The following TCHH variants were observed in gnomAD, a reference collection of about 807,000 sequenced individuals.
TCHH encodes the protein trichohyalin.
A neutral mutation model predicts 6.3 loss-of-function variants in TCHH; 6 were observed. That is an observed-to-expected ratio of 0.95 (90% CI 0.52 to 1.88). The LOEUF is 1.88. Ranked by LOEUF, TCHH falls within the 40% of genes most tolerant of loss-of-function variation. The probability of loss-of-function intolerance (pLI) is 0.01; values close to 1 mark genes in which losing one functional copy is unlikely to be tolerated. For missense variants in TCHH, 2,920 were observed against 2,449.1 expected (o/e 1.19, Z -4.06); for synonymous variants, 1,087 against 963.6 (o/e 1.13, Z -2.37).
Position 152,110,279 on chromosome 1 carries a change from T to C in TCHH, c.2938A>G (p.Lys980Glu). Residue 980 changes from lysine to glutamate, a missense_variant, in exon 3 of 3, where the codon AAG becomes GAG. By Grantham distance (56) the Lys-to-Glu change is moderately conservative. Coordinates refer to ENST00000614923, the MANE Select transcript of TCHH (RefSeq NM_007113.4). ...EEQLLGEEPE[K>E]RRRQEREKKY... is the part of the protein sequence containing the mutation. ...TTCTCCCGCTCCTGGCGCCTTCTCTTCTCCGGTTCCTCTCCCAGCAGCTGC... is the reference window on the plus strand; with the variant it reads ...TTCTCCCGCTCCTGGCGCCTTCTCTCCTCCGGTTCCTCTCCCAGCAGCTGC... The C allele has an allele frequency of 6.2e-7, 1 of 1,611,064 alleles. No homozygotes were observed. Among genetic ancestry groups the C allele is most frequent in the Non-Finnish European group, 8.5e-7 (1 of 1,178,804 alleles).
Position 152,110,729 on chromosome 1 carries a change from C to A in TCHH, c.2488G>T (p.Glu830Ter). The change falls in exon 3 of 3, where the codon GAG (glutamate) becomes TAG (stop). Residue 830 changes from glutamate to a stop codon, truncating the protein, a stop_gained. Transcript: ENST00000614923. LOFTEE classifies it low-confidence loss of function (END_TRUNC). The stretch of plus-strand genomic sequence containing the variant: ...TCCTCTTCCTCCAGGAACTGCAGCT[C>A]TTTCTCCCTCTCGCGTCGCTGGCGG... ...RRRQRREREKELQFLEEEEQL... is the reference protein window; with the variant it reads ...RRRQRREREK 6.2e-7 allele frequency: 1 copy of A among 1,610,632 alleles called. No homozygotes were observed. Among genetic ancestry groups the A allele is most frequent in the Non-Finnish European group, 8.5e-7 (1 of 1,179,988 alleles).
Position 152,108,370 on chromosome 1 carries a change from T to A in TCHH, c.4847A>T (p.Glu1616Val). Residue 1616 changes from glutamate (E) to valine (V), a missense_variant, in exon 3 of 3, where the codon GAG becomes GTG. Transcript: ENST00000614923. ...GTCTTCGCGGAATTTTCTGTCGCGC[T>A]CCTGGCGCAGCTGTTGTTGGCCCTC... ...RQEGQQQLRQ[E>V]RDRKFREDEQ... The A allele has an allele frequency of 6.2e-7, 1 of 1,612,582 alleles. No homozygotes were observed. Among genetic ancestry groups the A allele is most frequent in the Non-Finnish European group, 8.5e-7 (1 of 1,179,312 alleles).
Position 152,113,491 on chromosome 1 carries a change from T to G in TCHH, c.139-413A>C, listed in dbSNP as rs984434081. ...AATTGAGAAAGAATGAACTCATCCTTGAGAGAGATACAATAGAAATTTATG... is the reference window on the plus strand; with the variant it reads ...AATTGAGAAAGAATGAACTCATCCTGGAGAGAGATACAATAGAAATTTATG... On this transcript the variant is annotated intron_variant, in intron 2 of 2. Transcript: ENST00000614923. Among the ~76,000 whole-genome samples, 14 of 152,358 alleles carry G rather than the reference T, an allele frequency of 9.2e-5. No individual in the cohort carries two copies. In the South Asian group the frequency reaches 1.7e-3, roughly 18 times the overall value.
rs1557810778 is a variant in TCHH at position 152,110,464 on chromosome 1, CGCTCCTCTCTCTGTA to C, written c.2738_2752del (p.Leu913_Glu917del). ...CTGTTCTTGGCGCCTTCTCTTCTCG[CGCTCCTCTCTCTGTA>C]GCTCCTCCTCCTCCTCCTGCAGCAG... On this transcript the variant is annotated inframe_deletion, in exon 3 of 3. Coordinates refer to ENST00000614923, the MANE Select transcript of TCHH (RefSeq NM_007113.4). The C allele has an allele frequency of 1.9e-6, 3 of 1,614,162 alleles. No homozygotes were observed. Among genetic ancestry groups the C allele is most frequent in the East Asian group, 2.2e-5 (1 of 44,880 alleles).
In TCHH at chr1:152,107,748, C is replaced by T; in HGVS notation, c.5469G>A (p.Trp1823Ter). ...CCTCAAGTTGGAGCTGCTCTTCTTC[C>T]CAGCGATACTTTCCGTCACGCTGTT... ...RPQQRDGKYRWEEEQLQLEEQ... is the reference protein window; with the variant it reads ...RPQQRDGKYR Residue 1823 changes from tryptophan to a stop codon, truncating the protein, a stop_gained, in exon 3 of 3, where the codon TGG (tryptophan) becomes TGA (stop). Coordinates refer to ENST00000614923, the MANE Select transcript of TCHH (RefSeq NM_007113.4). LOFTEE classifies it low-confidence loss of function (END_TRUNC). 6.2e-7 allele frequency: 1 copy of T among 1,614,204 alleles called. No homozygotes were observed. Among genetic ancestry groups the T allele is most frequent in the South Asian group, 1.1e-5 (1 of 91,086 alleles).
At position 152,111,384 on chromosome 1, in the gene TCHH, C is replaced by T. The variant is rs775018304; in HGVS notation, c.1833G>A (p.Glu611=). The T allele has an allele frequency of 1.2e-6, 2 of 1,610,236 alleles. No individual in the cohort carries two copies. The highest frequency in any genetic ancestry group is 1.7e-4 in the Middle Eastern group (1 of 6,048). The change falls in exon 3 of 3, where the codon GAG becomes GAA. Residue 611 remains glutamate, a synonymous_variant. Coordinates refer to ENST00000614923, the MANE Select transcript of TCHH (RefSeq NM_007113.4). ...RLKREEVERL[E]QEERREQRLK... The stretch of plus-strand genomic sequence containing the variant: ...GCCGCTGCTCGCGCCTCTCCTCCTG[C>T]TCGAGTCTCTCCACCTCCTCGCGCT...
intron 1 of TCHH, 67 bp from the exon 2 acceptor site, chr1:152,114,178 C>T: frequency 8.9e-7 from 1 of 1,125,458 alleles, no homozygotes; most frequent in Non-Finnish European, 1.2e-6. Context: ...TTCATTCACA[C>T]TATTTCAGGC....
At chr1:152,114,587 GA>G (rs1293573732) in intron 1 of TCHH, among the ~76,000 whole-genome samples, 3 of 152,156 alleles carry the variant, frequency 2.0e-5, no homozygotes, top group African/African-American at 7.2e-5. Context: ...ATAGAACAAT[GA>G]AAAGGGAATA....
rs1428281303 is a variant in TCHH, at chr1:152,112,327, T to A, written c.890A>T (p.Gln297Leu). Reference protein sequence around the residue: ...RRERQEEEQQQQRLRREQQLR... With the variant: ...RRERQEEEQQLQRLRREQQLR... Reference sequence around the variant, plus strand: ...TTGCTGCTCGCGCCTCAGCCTTTGCTGCTGCTGCTCTTCCTCCTGGCGCTC... The same window carrying A: ...TTGCTGCTCGCGCCTCAGCCTTTGCAGCTGCTGCTCTTCCTCCTGGCGCTC... Residue 297 changes from glutamine (Q) to leucine (L), a missense_variant, in exon 3 of 3, where the codon CAG becomes CTG. Transcript: ENST00000614923. 3 of 1,612,802 alleles carry A rather than the reference T, an allele frequency of 1.9e-6. No individual in the cohort carries two copies. In the East Asian group the frequency reaches 6.7e-5, roughly 36 times the overall value.
In TCHH at chr1:152,111,386, C is replaced by CCCGCCTTAGTT. The variant is rs1658341290; in HGVS notation, c.1830_1831insAACTAAGGCGG (p.Glu611AsnfsTer2). ...CGCTGCTCGCGCCTCTCCTCCTGCT[C>CCCGCCTTAGTT]GAGTCTCTCCACCTCCTCGCGCTTC... On this transcript the variant is annotated stop_gained and frameshift_variant, in exon 3 of 3. Transcript: ENST00000614923. LOFTEE classifies it low-confidence loss of function (END_TRUNC). 1 of 1,604,646 alleles carries CCCGCCTTAGTT rather than the reference C, an allele frequency of 6.2e-7. No individual in the cohort carries two copies. The highest frequency in any genetic ancestry group is 1.4e-5 in the African/African-American group (1 of 72,286).
rs778645392 is a variant in TCHH at position 152,113,000 on chromosome 1, C to T, written c.217G>A (p.Glu73Lys). 4 of 1,614,062 alleles carry T rather than the reference C, an allele frequency of 2.5e-6. No individual in the cohort carries two copies. Among genetic ancestry groups the T allele is most frequent in the Non-Finnish European group, 3.4e-6 (4 of 1,180,028 alleles). ...LDSNGRVDFN[E>K]FLLFIFKVAQ... ...ACTTTGAAAATAAATAGGAGGAATT[C>T]GTTGAAATCGACACGCCCATTACTG... Residue 73 changes from glutamate (E) to lysine (K), a missense_variant, in exon 3 of 3, where the codon GAA becomes AAA. Coordinates refer to ENST00000614923, the MANE Select transcript of TCHH (RefSeq NM_007113.4).
rs1263625546 is a variant in TCHH at position 152,110,928 on chromosome 1, C to T, written c.2289G>A (p.Gln763=). 8 of 1,613,288 alleles carry T rather than the reference C, an allele frequency of 5.0e-6. No homozygotes were observed. Among genetic ancestry groups the T allele is most frequent in the Non-Finnish European group, 6.8e-6 (8 of 1,180,016 alleles). The stretch of plus-strand genomic sequence containing the variant: ...GCCACTGCCATGTGAAGTCCCGGCG[C>T]TGCTCCTCTTCCTGCTGCTGCCGGT... The part of the protein sequence containing the change: ...RAHRQQQEEE[Q]RRDFTWQWQA... Residue 763 remains glutamine, a synonymous_variant, in exon 3 of 3, where the codon CAG becomes CAA. Coordinates refer to ENST00000614923, the MANE Select transcript of TCHH (RefSeq NM_007113.4).
In TCHH at chr1:152,110,932, T is replaced by C; in HGVS notation, c.2285A>G (p.Glu762Gly). The change falls in exon 3 of 3, where the codon GAG (glutamate) becomes GGG (glycine). Residue 762 changes from glutamate to glycine, a missense_variant. Transcript: ENST00000614923. Reference sequence around the variant, plus strand: ...CTGCCATGTGAAGTCCCGGCGCTGCTCCTCTTCCTGCTGCTGCCGGTGAGC... The same window carrying C: ...CTGCCATGTGAAGTCCCGGCGCTGCCCCTCTTCCTGCTGCTGCCGGTGAGC... ...ERAHRQQQEE[E>G]QRRDFTWQWQ... 6.2e-7 allele frequency: 1 copy of C among 1,613,218 alleles called. No homozygotes were observed. Among genetic ancestry groups the C allele is most frequent in the Non-Finnish European group, 8.5e-7 (1 of 1,179,984 alleles).
In TCHH at chr1:152,107,996, G is replaced by C. The variant is rs1024778222; in HGVS notation, c.5221C>G (p.Arg1741Gly). Residue 1741 changes from arginine (R) to glycine (G), a missense_variant, in exon 3 of 3, where the codon CGC becomes GGC. Physicochemically the swap from Arg to Gly is moderately radical, Grantham distance 125 (BLOSUM62 -2). Coordinates refer to ENST00000614923, the MANE Select transcript of TCHH (RefSeq NM_007113.4). Reference protein sequence around the residue: ...LRQETEQEQLRRQERYRKILE... With the variant: ...LRQETEQEQLGRQERYRKILE... The stretch of plus-strand genomic sequence containing the variant: ...ATTTTTCTGTAGCGTTCTTGGCGGC[G>C]CAGCTGCTCTTGCTCCGTTTCTTGG... 2 of 1,613,698 alleles carry C rather than the reference G, an allele frequency of 1.2e-6. No homozygotes were observed. Among genetic ancestry groups the C allele is most frequent in the South Asian group, 2.2e-5 (2 of 91,042 alleles).
rs183540170 is a variant in TCHH at position 152,109,349 on chromosome 1, C to T, written c.3868G>A (p.Asp1290Asn). The change falls in exon 3 of 3, where the codon GAC (aspartate) becomes AAC (asparagine). Residue 1290 changes from aspartate to asparagine, a missense_variant. Physicochemically the swap from Asp to Asn is conservative, Grantham distance 23 (BLOSUM62 1). Transcript: ENST00000614923. ...EQERRRWQQR[D>N]RHFPEEEQLE... is the part of the protein sequence containing the mutation. ...TGTTCTTCCTCTGGGAAATGCCTGT[C>T]GCGCTGCTGCCAGCGCCTCCTCTCT... is the stretch of plus-strand genomic sequence containing the variant. 4 of 1,614,242 alleles carry T rather than the reference C, an allele frequency of 2.5e-6. No homozygotes were observed. The highest frequency in any genetic ancestry group is 2.2e-5 in the East Asian group (1 of 44,882).
At position 152,110,498 on chromosome 1, in the gene TCHH, G is replaced by T; in HGVS notation, c.2719C>A (p.Gln907Lys). Residue 907 changes from glutamine (Q) to lysine (K), a missense_variant, in exon 3 of 3, where the codon CAG (glutamine) becomes AAG (lysine). Coordinates refer to ENST00000614923, the MANE Select transcript of TCHH (RefSeq NM_007113.4). ...EQLRKEQQLLQEEEEELQREE... is the reference protein window; with the variant it reads ...EQLRKEQQLLKEEEEELQREE... ...CTCTGTAGCTCCTCCTCCTCCTCCT[G>T]CAGCAGCTGCTGTTCCTTCCTCAGC... is the stretch of plus-strand genomic sequence containing the variant. 6.2e-7 allele frequency: 1 copy of T among 1,614,020 alleles called. No individual in the cohort carries two copies. The highest frequency in any genetic ancestry group is 8.5e-7 in the Non-Finnish European group (1 of 1,179,986).
At position 152,106,818 on chromosome 1, in the gene TCHH, G is replaced by GT. The variant is rs1362002722; in HGVS notation, c.*566dup. On this transcript the variant is annotated 3_prime_UTR_variant, in exon 3 of 3. Coordinates refer to ENST00000614923, the MANE Select transcript of TCHH (RefSeq NM_007113.4). ...CAGTAATGGGCTGATTTTACAGGAA[G>GT]TTTTTATGCAGAGGTCACTCCCCCT... 1 of 152,204 alleles carries GT rather than the reference G, an allele frequency of 6.6e-6. No homozygotes were observed. The highest frequency in any genetic ancestry group is 1.5e-5 in the Non-Finnish European group (1 of 68,036). The allele number at this position is 152,204 out of a possible 1,614,324, so 9.4% of individuals were successfully genotyped here.
chr1:152,109,818 G>C lies in TCHH; in HGVS notation c.3399C>G (p.Arg1133=). 6.3e-7 allele frequency: 1 copy of C among 1,585,310 alleles called. No individual in the cohort carries two copies. The highest frequency in any genetic ancestry group is 8.6e-7 in the Non-Finnish European group (1 of 1,166,728). The part of the protein sequence containing the change: ...LLREEREKRR[R]QELERQYREE... ...CCCGATATTGCCTCTCCAGCTCCTG[G>C]CGCCTTCTCTTCTCCCGTTCCTCTC... is the stretch of plus-strand genomic sequence containing the variant. The change falls in exon 3 of 3, where the codon CGC becomes CGG. Residue 1133 remains arginine, a synonymous_variant. Transcript: ENST00000614923.
At chr1:152,114,839 C>T (rs1314277872) in intron 1 of TCHH, among the ~76,000 whole-genome samples, 2 of 152,152 alleles carry the variant, frequency 1.3e-5, no homozygotes, top group African/African-American at 2.4e-5. Context: ...CTAAACCAAA[C>T]GGAATCCAGA....
Sources: allele counts gnomAD v4.1 joint callset (sites outside exome capture counted in the v4.1 genomes callset), GRCh38; gene constraint gnomAD v4.1.1; transcripts MANE v1.5; gene names NCBI Gene and HGNC (gene_info 2026-07-23, HGNC 2026-07-21).